FBXL20: variants seen among roughly 807,000 people sequenced by gnomAD.
FBXL20 encodes F-box and leucine rich repeat protein 20, also known as F-box/LRR-repeat protein 20.
Under a neutral mutation model 64.0 loss-of-function variants are expected in FBXL20, and 11 were observed. The observed-to-expected ratio is 0.17, with a 90% CI of 0.11 to 0.28. FBXL20 has a LOEUF of 0.28. Ranked by LOEUF, FBXL20 falls within the 10% of genes least tolerant of loss-of-function variation. The pLI, the probability that FBXL20 is intolerant of heterozygous loss-of-function variation, is 1.00. For synonymous variants in FBXL20, 184 were observed against 189.0 expected (o/e 0.97, Z 0.22); for missense variants, 303 against 526.2 (o/e 0.58, Z 4.15).
intron 2 of FBXL20, among the ~76,000 whole-genome samples, chr17:39,336,949 TC>T (rs1292588735): frequency 4.0e-5 from 6 of 150,420 alleles, no homozygotes; most frequent in African/African-American, 1.5e-4. Flanking sequence ...AAACGACCTC[TC>T]CCTCTCCCTC....
At chr17:39,395,564 T>G (rs1234420156) in intron 1 of FBXL20, among the ~76,000 whole-genome samples, 1 of 152,230 alleles carries the variant, frequency 6.6e-6, no homozygotes, top group Non-Finnish European at 1.5e-5. Flanking sequence ...AGTTAGATAA[T>G]TGTTTTCAAA....
intron 2 of FBXL20, among the ~76,000 whole-genome samples, chr17:39,334,140 C>T (rs2047495970): frequency 6.6e-6 from 1 of 152,168 alleles, no homozygotes; most frequent in Non-Finnish European, 1.5e-5. Context: ...AATTCTTCTG[C>T]CTTGGGATGT....
intron 3 of FBXL20, 65 bp downstream of exon 3, chr17:39,303,520 T>C (rs965722889): frequency 8.2e-6 from 11 of 1,336,490 alleles, no homozygotes; most frequent in Non-Finnish European, 1.0e-5. Flanking sequence ...GGATGGCCTA[T>C]GAAAGAGGCT....
chr17:39,366,463 G>A (rs1317721568), intron 1 of FBXL20, among the ~76,000 whole-genome samples: 4 of 152,020 alleles, frequency 2.6e-5, no homozygotes, highest in Non-Finnish European at 4.4e-5. Flanking sequence ...GTCATCTTGG[G>A]CTCTCCAGTA....
chr17:39,344,224 G>A (rs139610842), intron 1 of FBXL20, among the ~76,000 whole-genome samples: 116 of 151,862 alleles, frequency 7.6e-4, no homozygotes, highest in Non-Finnish European at 1.3e-3. Context: ...GGTGGTGTGC[G>A]TCTGTGGTCC....
chr17:39,380,672 T>G (rs2048012997), intron 1 of FBXL20, among the ~76,000 whole-genome samples: 1 of 152,198 alleles, frequency 6.6e-6, no homozygotes, highest in African/African-American at 2.4e-5. Context: ...TACTCTTTTA[T>G]GTTGTCAATC....
intron 2 of FBXL20, among the ~76,000 whole-genome samples, chr17:39,321,949 A>T (rs1015520343): frequency 6.6e-6 from 1 of 152,218 alleles, no homozygotes; most frequent in Middle Eastern, 3.4e-3. Flanking sequence ...TAAATACTCA[A>T]ATCTGTCCCA....
chr17:39,313,608 T>C (rs1364653238), intron 2 of FBXL20, among the ~76,000 whole-genome samples: 1 of 151,950 alleles, frequency 6.6e-6, no homozygotes, highest in African/African-American at 2.4e-5. Flanking sequence ...CTACAGCAAT[T>C]ATTTTTTTCC....
At chr17:39,351,266 G>T (rs915356008) in intron 1 of FBXL20, among the ~76,000 whole-genome samples, 1 of 151,554 alleles carries the variant, frequency 6.6e-6, no homozygotes, top group African/African-American at 2.4e-5. Flanking sequence ...AAACCGGGAG[G>T]GGGAGGTTGC....
chr17:39,322,049 C>A (rs2047361034), intron 2 of FBXL20, among the ~76,000 whole-genome samples: 1 of 151,088 alleles, frequency 6.6e-6, no homozygotes, highest in African/African-American at 2.4e-5. Context: ...AACCACAAGA[C>A]CAAATGCCTA....
intron 1 of FBXL20, among the ~76,000 whole-genome samples, chr17:39,362,254 C>T (rs1056871676): frequency 2.6e-5 from 4 of 151,190 alleles, no homozygotes; most frequent in East Asian, 2.0e-4. Flanking sequence ...GACTGCCCCA[C>T]TGCATTGCAG....
intron 14 of FBXL20, among the ~76,000 whole-genome samples, chr17:39,262,082 G>A (rs749868404): frequency 6.2e-4 from 95 of 152,058 alleles, no homozygotes; most frequent in Admixed American, 3.9e-4. Flanking sequence ...AAGTAGGCAC[G>A]TAAGAGGCTC....
At chr17:39,297,454 G>T in intron 5 of FBXL20, 1 of 235,026 alleles carries the variant, frequency 4.3e-6, no homozygotes, top group African/African-American at 2.3e-5. Context: ...TACTGCTCAT[G>T]GCAAAAACTG....
chr17:39,334,374 T>C (rs2047498837), intron 2 of FBXL20, among the ~76,000 whole-genome samples: 1 of 151,936 alleles, frequency 6.6e-6, no homozygotes, highest in Non-Finnish European at 1.5e-5. Flanking sequence ...CCAGAGACCT[T>C]TGTTCACATG....
chr17:39,330,764 T>C (rs139229387), intron 2 of FBXL20, among the ~76,000 whole-genome samples: 4 of 152,130 alleles, frequency 2.6e-5, no homozygotes, highest in African/African-American at 7.2e-5. Context: ...CTCCAGGAAA[T>C]GGAACAATGA....
At chr17:39,286,179 G>T (rs1234942577) in intron 6 of FBXL20, among the ~76,000 whole-genome samples, 1 of 152,108 alleles carries the variant, frequency 6.6e-6, no homozygotes, top group Non-Finnish European at 1.5e-5. Context: ...ATAATACAGA[G>T]AACCCACATG....
In FBXL20 at chr17:39,254,470, C is replaced by T. The variant is rs538586809; in HGVS notation, c.*6990G>A. On this transcript the variant is annotated 3_prime_UTR_variant, in exon 15 of 15. Coordinates refer to ENST00000264658, the MANE Select transcript of FBXL20 (RefSeq NM_032875.3). The stretch of plus-strand genomic sequence containing the variant: ...GACACCTCTCTTCTCCCATCTCTTC[C>T]TAGGGTAAGGACTGTCATTTACTGC... The T allele has an allele frequency of 6.5e-6, 1 of 154,062 alleles. No individual in the cohort carries two copies. Among genetic ancestry groups the T allele is most frequent in the African/African-American group, 2.4e-5 (1 of 41,600 alleles). 9.5% of individuals were successfully genotyped at this position (154,062 alleles called of 1,614,324 possible).
chr17:39,322,163 CAAAAAAAAAAAAAA>C (rs761771926), intron 2 of FBXL20, among the ~76,000 whole-genome samples: 5 of 52,550 alleles, frequency 9.5e-5, no homozygotes, highest in Admixed American at 2.3e-4. Flanking sequence ...CTATCTCTAC[CAAAAAAAAAAAAAA>C]AAAAAAAAAA....
intron 1 of FBXL20, among the ~76,000 whole-genome samples, chr17:39,363,681 CAT>C (rs1044688331): frequency 1.3e-5 from 2 of 151,534 alleles, no homozygotes; most frequent in Non-Finnish European, 2.9e-5. Flanking sequence ...CATGGTGACA[CAT>C]GTCAATAGTC....
Sources: allele counts gnomAD v4.1 joint callset (sites outside exome capture counted in the v4.1 genomes callset), GRCh38; gene constraint gnomAD v4.1.1; transcripts MANE v1.5; gene names NCBI Gene and HGNC (gene_info 2026-07-23, HGNC 2026-07-21).